TENM2: variants seen among roughly 807,000 people sequenced by gnomAD.
The protein encoded by TENM2 is teneurin transmembrane protein 2, also known as teneurin-2.
TENM2 carries 52 observed loss-of-function variants against 245.2 expected under a neutral mutation model. The ratio of observed to expected loss-of-function variants is 0.21; its 90% CI spans 0.17 to 0.27. The LOEUF is 0.27. TENM2 is among the 10% of genes least tolerant of loss of function. TENM2 has a pLI of 1.00. For missense variants in TENM2, 3,046 were observed against 3,666.8 expected, an observed-to-expected ratio of 0.83 and a Z score of 4.37; for synonymous variants, 1,363 against 1,438.9, an observed-to-expected ratio of 0.95 and a Z score of 1.19.
At chr5:167,536,938 C>A (rs556867576) in intron 2 of TENM2, among the ~76,000 whole-genome samples, 3 of 151,850 alleles carry the variant, frequency 2.0e-5, no homozygotes, top group African/African-American at 7.3e-5. Flanking sequence ...GCAGGAGAAT[C>A]GCTTGAACCC....
At chr5:167,514,179 G>T (rs1203155176) in intron 2 of TENM2, among the ~76,000 whole-genome samples, 1 of 152,110 alleles carries the variant, frequency 6.6e-6, no homozygotes, top group Non-Finnish European at 1.5e-5. Flanking sequence ...AGCTATCATT[G>T]AGTATCAATC....
At chr5:167,124,590 G>C in the TENM2 span, among the ~76,000 whole-genome samples, 3 of 151,902 alleles carry the variant, frequency 2.0e-5, no homozygotes, top group Non-Finnish European at 2.9e-5. Flanking sequence ...TACACTATTC[G>C]CTCTTTCCTT....
chr5:168,090,840 GACAC>G, intron 8 of TENM2, 71 bp downstream of exon 10: 6 of 1,373,312 alleles, frequency 4.4e-6, no homozygotes, highest in Non-Finnish European at 6.1e-6. Flanking sequence ...CTCTGCAGAA[GACAC>G]ATCTTCTAAG....
chr5:167,428,020 A>C (rs916589643), intron 2 of TENM2, among the ~76,000 whole-genome samples: 1 of 152,216 alleles, frequency 6.6e-6, no homozygotes, highest in Non-Finnish European at 1.5e-5. Flanking sequence ...CTGGTATTCT[A>C]GTGTATTTTT....
chr5:167,230,207 G>A, the TENM2 span, among the ~76,000 whole-genome samples: 1 of 152,152 alleles, frequency 6.6e-6, no homozygotes, highest in Non-Finnish European at 1.5e-5. Context: ...AATTCCCTAT[G>A]TTAGTCTCAG....
At chr5:167,365,778 A>T (rs2127281211) in intron 1 of TENM2, among the ~76,000 whole-genome samples, 1 of 152,196 alleles carries the variant, frequency 6.6e-6, no homozygotes, top group East Asian at 1.9e-4. Context: ...TTAAATAGAC[A>T]CAGAGCAAAC....
intron 2 of TENM2, among the ~76,000 whole-genome samples, chr5:167,728,167 C>T (rs1213304208): frequency 1.3e-5 from 2 of 152,172 alleles, no homozygotes; most frequent in Non-Finnish European, 2.9e-5. Context: ...CCCACTTCAT[C>T]CCCTACCCCT....
intron 2 of TENM2, among the ~76,000 whole-genome samples, chr5:167,655,192 G>A (rs1382378678): frequency 1.3e-5 from 2 of 152,050 alleles, no homozygotes; most frequent in African/African-American, 4.8e-5. Flanking sequence ...CAATGAACAG[G>A]TTCAAAAGAA....
intron 2 of TENM2, among the ~76,000 whole-genome samples, chr5:167,379,034 A>C (rs2127325323): frequency 6.6e-6 from 1 of 152,258 alleles, no homozygotes; most frequent in South Asian, 2.1e-4. Context: ...ATTTAAGAAA[A>C]TTATTCTTCC....
At position 167,620,465 on chromosome 5, in the gene TENM2, G is replaced by A. The variant is rs547121473; in HGVS notation, c.502+244992G>A. Among the ~76,000 whole-genome samples the A allele has an allele frequency of 3.3e-5, 5 of 150,252 alleles. No individual in the cohort carries two copies. The South Asian group carries it at 1.1e-3, about 32-fold the overall frequency. On this transcript the variant is annotated intron_variant, in intron 2 of 28. Transcript: ENST00000518659. The stretch of plus-strand genomic sequence containing the variant: ...TATTTTTAACTTGTGAATAGGTTGG[G>A]ATTATATGTCTTCCTTTTTAATAAG...
At chr5:168,032,686 T>A (rs1787248060) in intron 5 of TENM2, among the ~76,000 whole-genome samples, 1 of 152,168 alleles carries the variant, frequency 6.6e-6, no homozygotes, top group Non-Finnish European at 1.5e-5. Context: ...TTTGCTTGTG[T>A]CTTGCTTTTT....
chr5:168,115,359 G>GGGAAGGAAGGGAAGGAA (rs1554200289), intron 9 of TENM2, among the ~76,000 whole-genome samples: 340 of 71,616 alleles, frequency 4.7e-3, no homozygotes, highest in Non-Finnish European at 6.1e-3. Context: ...AGGGAAGGAA[G>GGGAAGGAAGGGAAGGAA]GGAAGGAAGG....
chr5:167,996,651 A>G (rs145707066), intron 5 of TENM2, among the ~76,000 whole-genome samples: 1 of 152,314 alleles, frequency 6.6e-6, no homozygotes, highest in East Asian at 1.9e-4. Flanking sequence ...TCTTGATAGT[A>G]TGCATAACAA....
chr5:167,332,266 A>G (rs900381402), intron 1 of TENM2, among the ~76,000 whole-genome samples: 2 of 152,150 alleles, frequency 1.3e-5, no homozygotes, highest in African/African-American at 2.4e-5. Context: ...CCCTCACTTT[A>G]GCTATGATTT....
chr5:168,052,113 A>G (rs955514248), intron 6 of TENM2, among the ~76,000 whole-genome samples: 4 of 152,064 alleles, frequency 2.6e-5, no homozygotes, highest in African/African-American at 7.2e-5. Flanking sequence ...AAATATAAAA[A>G]TAGGCCAGGT....
intron 3 of TENM2, among the ~76,000 whole-genome samples, chr5:167,886,314 T>C (rs564897385): frequency 2.0e-5 from 3 of 152,212 alleles, no homozygotes; most frequent in African/African-American, 7.2e-5. Context: ...CCAGAAAAAA[T>C]ATATATATTC....
intron 12 of TENM2, among the ~76,000 whole-genome samples, chr5:168,160,919 T>C (rs968947933): frequency 3.9e-5 from 6 of 152,100 alleles, no homozygotes; most frequent in Non-Finnish European, 5.9e-5. Flanking sequence ...CAGTCCTAGC[T>C]ACTGAGGAGG....
At chr5:167,097,698 G>T in the TENM2 span, among the ~76,000 whole-genome samples, 3 of 152,176 alleles carry the variant, frequency 2.0e-5, no homozygotes, top group African/African-American at 7.2e-5. Context: ...CCAAAGTAGA[G>T]AAAAATTTAT....
intron 12 of TENM2, among the ~76,000 whole-genome samples, chr5:168,150,945 T>C (rs1361379777): frequency 6.6e-6 from 1 of 152,210 alleles, no homozygotes; most frequent in Non-Finnish European, 1.5e-5. Flanking sequence ...TTGAAGTGGC[T>C]CAGTGAAGTA....
Sources: allele counts gnomAD v4.1 joint callset (sites outside exome capture counted in the v4.1 genomes callset), GRCh38; gene constraint gnomAD v4.1.1; transcripts MANE v1.5; gene names NCBI Gene and HGNC (gene_info 2026-07-23, HGNC 2026-07-21).